Variants in ABLIM2 observed in about 807,000 individuals in gnomAD.
The protein encoded by ABLIM2 is actin binding LIM protein family member 2.
Under a neutral mutation model 97.7 loss-of-function variants are expected in ABLIM2, and 53 were observed. The observed-to-expected ratio is 0.54, with a 90% CI of 0.44 to 0.68. ABLIM2 has a LOEUF of 0.68. Among genes scored for constraint, ABLIM2 ranks in the 30% least tolerant of loss-of-function variants. The pLI is 0.00. For missense variants in ABLIM2, 835 were observed against 867.2 expected, an observed-to-expected ratio of 0.96 and a Z score of 0.47; for synonymous variants, 361 against 345.8, an observed-to-expected ratio of 1.04 and a Z score of -0.49.
At chr4:8,134,154 G>A (rs1265116894) in intron 1 of ABLIM2, among the ~76,000 whole-genome samples, 2 of 152,186 alleles carry the variant, frequency 1.3e-5, no homozygotes. Context: ...GAGGCCAGGC[G>A]GAAACAAAGG....
rs182019476 is a variant in ABLIM2 at position 8,141,233 on chromosome 4, T to A, written c.10+17447A>T. On this transcript the variant is annotated intron_variant, in intron 1 of 20. Transcript: ENST00000447017. Reference sequence around the variant, plus strand: ...CTAAGTATTTCTAAGAATTCTGGAATCACTCTAAAGAGATCACAAACATCG... The same window carrying A: ...CTAAGTATTTCTAAGAATTCTGGAAACACTCTAAAGAGATCACAAACATCG... Among the ~76,000 whole-genome samples the A allele has an allele frequency of 2.2e-3, 332 of 151,850 alleles. 2 individuals carry two copies. The highest frequency in any genetic ancestry group is 7.3e-3 in the African/African-American group (303 of 41,302).
Position 7,966,867 on chromosome 4 carries a change from T to A in ABLIM2, c.*123A>T. ...GGGCCGCACCTGCTGGGGGACCCCC[T>A]CCCGCCCACCCCATGGACACAGAGA... On this transcript the variant is annotated 3_prime_UTR_variant, in exon 21 of 21. Transcript: ENST00000447017. The A allele has an allele frequency of 2.8e-5, 2 of 72,712 alleles. No individual in the cohort carries two copies. Among genetic ancestry groups the A allele is most frequent in the Admixed American group, 1.8e-4 (1 of 5,502 alleles). 4.5% of individuals were successfully genotyped at this position (72,712 alleles called of 1,614,324 possible).
At position 8,155,217 on chromosome 4, in the gene ABLIM2, G is replaced by A. The variant is rs544565244; in HGVS notation, c.10+3463C>T. On this transcript the variant is annotated intron_variant, in intron 1 of 20. Coordinates refer to ENST00000447017, the MANE Select transcript of ABLIM2 (RefSeq NM_001130083.2). This position sits in a 1 kb window ranked among gnomAD's most constrained non-coding sequence, Gnocchi z 4.2. The stretch of plus-strand genomic sequence containing the variant: ...CTCATATTCCATCACTGGCTTCCAC[G>A]GTTTGGTGGTTTCTAACATTTTGTT... 4.3e-4 allele frequency among the ~76,000 whole-genome samples: 65 copies of A among 152,174 alleles called. No individual in the cohort carries two copies. The highest frequency in any genetic ancestry group is 6.2e-4 in the Non-Finnish European group (42 of 68,036).
intron 9 of ABLIM2, among the ~76,000 whole-genome samples, chr4:8,036,771 G>T (rs987351413): frequency 5.9e-5 from 9 of 152,200 alleles, no homozygotes; most frequent in Non-Finnish European, 1.2e-4. Flanking sequence ...GGTCTGGCAG[G>T]CAGTGAGACT....
chr4:8,090,949 C>G (rs1023499188), intron 3 of ABLIM2, among the ~76,000 whole-genome samples: 2 of 152,008 alleles, frequency 1.3e-5, no homozygotes, highest in African/African-American at 4.8e-5. Context: ...CGGTTGCCAA[C>G]CAGCCTCTCC....
In ABLIM2 at chr4:7,982,764, CG is replaced by C. The variant is rs1739764358; in HGVS notation, c.1824+499del. Among the ~76,000 whole-genome samples, 4 of 152,114 alleles carry C rather than the reference CG, an allele frequency of 2.6e-5. No individual in the cohort carries two copies. The South Asian group carries it at 8.3e-4, about 32-fold the overall frequency. ...TGTCACCCAGGCTGGAGTGCAGTGG[CG>C]CCATCTCGGCTCACTGCAACCTCTG... On this transcript the variant is annotated intron_variant, in intron 20 of 20. Transcript: ENST00000447017.
At chr4:7,977,085 T>TG (rs200639423) in intron 20 of ABLIM2, among the ~76,000 whole-genome samples, 1 of 152,170 alleles carries the variant, frequency 6.6e-6, no homozygotes, top group African/African-American at 2.4e-5. Context: ...GATTGGGTCC[T>TG]GGGGGTGGTT....
At chr4:8,038,056 G>A (rs530950670) in intron 9 of ABLIM2, among the ~76,000 whole-genome samples, 1 of 152,218 alleles carries the variant, frequency 6.6e-6, no homozygotes, top group Admixed American at 6.5e-5. Context: ...CTCTGGTGGA[G>A]ATCCCTGTTG....
At chr4:8,017,670 G>C (rs958804164) in intron 14 of ABLIM2, among the ~76,000 whole-genome samples, 11 of 152,148 alleles carry the variant, frequency 7.2e-5, no homozygotes, top group Non-Finnish European at 1.5e-4. Context: ...CCTTTGCATA[G>C]GAGAATCATA....
Position 8,031,801 on chromosome 4 carries a change from T to A in ABLIM2, c.1048-2025A>T, listed in dbSNP as rs75676501. ...GTGCAGTGGCGTGACCTCAGCTCACTGCAACCTCCGTCTTCCGGGTTCAAG... is the reference window on the plus strand; with the variant it reads ...GTGCAGTGGCGTGACCTCAGCTCACAGCAACCTCCGTCTTCCGGGTTCAAG... On this transcript the variant is annotated intron_variant, in intron 10 of 20. Coordinates refer to ENST00000447017, the MANE Select transcript of ABLIM2 (RefSeq NM_001130083.2). Among the ~76,000 whole-genome samples, 774 of 151,734 alleles carry A rather than the reference T, an allele frequency of 5.1e-3. 7 individuals are homozygous for A. Among genetic ancestry groups the A allele is most frequent in the African/African-American group, 0.018 (728 of 41,386 alleles).
At position 7,996,371 on chromosome 4, in the gene ABLIM2, C is replaced by T. The variant is rs986465516; in HGVS notation, c.1619-3444G>A. Among the ~76,000 whole-genome samples the T allele has an allele frequency of 2.0e-5, 3 of 152,216 alleles. No homozygotes were observed. ...AAGCCCGAAGGCCTCTACCTGCCTG[C>T]CCCTGGAGTCACCTGGACAGCGTGC... is the stretch of plus-strand genomic sequence containing the variant. On this transcript the variant is annotated intron_variant, in intron 16 of 20. Coordinates refer to ENST00000447017, the MANE Select transcript of ABLIM2 (RefSeq NM_001130083.2). This position sits in a 1 kb window ranked among gnomAD's most constrained non-coding sequence, Gnocchi z 4.5.
intron 1 of ABLIM2, among the ~76,000 whole-genome samples, chr4:8,114,851 A>C (rs965866248): frequency 6.6e-6 from 1 of 152,216 alleles, no homozygotes; most frequent in South Asian, 2.1e-4. Flanking sequence ...AGCACACAGG[A>C]AGCTCATGGT....
At chr4:7,973,075 C>CTGTGTGTGTGTGTGTGTGTGTGTGTG (rs71175444) in intron 20 of ABLIM2, among the ~76,000 whole-genome samples, 1,611 of 123,936 alleles carry the variant, frequency 0.013, 76 homozygotes, top group Middle Eastern at 0.029. Flanking sequence ...GCTCCCCTTG[C>CTGTGTGTGTGTGTGTGTGTGTGTGTG]TGTGTGTGTG....
chr4:8,050,565 G>A (rs1159200892), intron 8 of ABLIM2, among the ~76,000 whole-genome samples: 3 of 152,222 alleles, frequency 2.0e-5, no homozygotes, highest in Admixed American at 1.3e-4. Context: ...GCACTGAGAA[G>A]CTACTTCCAC....
chr4:8,051,625 C>T (rs1444429619), intron 8 of ABLIM2, among the ~76,000 whole-genome samples: 1 of 151,312 alleles, frequency 6.6e-6, no homozygotes, highest in Non-Finnish European at 1.5e-5. Context: ...GAAAAGGGGT[C>T]CTTGGGCAGT....
rs1421905005 is a variant in ABLIM2 at position 8,125,830 on chromosome 4, C to T, written c.11-19193G>A. On this transcript the variant is annotated intron_variant, in intron 1 of 20. Transcript: ENST00000447017. The surrounding 1 kb of genome is among the most constrained non-coding windows in gnomAD (Gnocchi z 6.2). ...GGCTGTCCTCAGAATGCTCCAGCAC[C>T]CCAGCCATGCCAGCTCGTCCTCCTG... Among the ~76,000 whole-genome samples, 1 of 152,210 alleles carries T rather than the reference C, an allele frequency of 6.6e-6. No homozygotes were observed. Among genetic ancestry groups the T allele is most frequent in the Non-Finnish European group, 1.5e-5 (1 of 68,034 alleles).
chr4:7,990,273 T>C (rs1484211013), intron 17 of ABLIM2, among the ~76,000 whole-genome samples: 1 of 152,186 alleles, frequency 6.6e-6, no homozygotes, highest in Non-Finnish European at 1.5e-5. Flanking sequence ...AATAGCTCAC[T>C]GCAACCTCTG....
Position 8,082,869 on chromosome 4 carries a change from G to A in ABLIM2, c.455-2067C>T, listed in dbSNP as rs186584624. On this transcript the variant is annotated intron_variant, in intron 4 of 20. Coordinates refer to ENST00000447017, the MANE Select transcript of ABLIM2 (RefSeq NM_001130083.2). The surrounding 1 kb of genome is among the most constrained non-coding windows in gnomAD (Gnocchi z 5.6). The stretch of plus-strand genomic sequence containing the variant: ...CTGTGTCTCTGCAGAGTCAGACGAC[G>A]CACAGCCCTGACTTAGCCTCCTGGC... Among the ~76,000 whole-genome samples, 170 of 152,294 alleles carry A rather than the reference G, an allele frequency of 1.1e-3. No individual in the cohort carries two copies. Among genetic ancestry groups the A allele is most frequent in the Non-Finnish European group, 2.1e-3 (145 of 68,016 alleles).
Position 8,027,640 on chromosome 4 carries a change from G to A in ABLIM2, c.1267+119C>T. ...ACACACAAGACACACACAGAGAGGG[G>A]CACAGGGCATGAAACAGGGGCTCCG... On this transcript the variant is annotated intron_variant, in intron 12 of 20. Coordinates refer to ENST00000447017, the MANE Select transcript of ABLIM2 (RefSeq NM_001130083.2). 5 of 707,532 alleles carry A rather than the reference G, an allele frequency of 7.1e-6. No homozygotes were observed. The South Asian group carries it at 1.3e-4, about 19-fold the overall frequency. 43.8% of individuals were successfully genotyped at this position (707,532 alleles called of 1,614,324 possible).
Sources: allele counts gnomAD v4.1 joint callset (sites outside exome capture counted in the v4.1 genomes callset), GRCh38; gene constraint gnomAD v4.1.1; non-coding constraint Gnocchi (gnomAD v3.1); transcripts MANE v1.5; gene names NCBI Gene and HGNC (gene_info 2026-07-23, HGNC 2026-07-21).